The following COPS2 variants were observed in gnomAD, a reference collection of about 807,000 sequenced individuals.
COPS2 encodes COP9 signalosome subunit 2.
A neutral mutation model predicts 66.1 loss-of-function variants in COPS2; 10 were observed. The ratio of observed to expected loss-of-function variants is 0.15; its 90% CI spans 0.09 to 0.26. The LOEUF is 0.26. Among genes scored for constraint, COPS2 ranks in the 10% least tolerant of loss-of-function variants. COPS2 has a pLI of 1.00. For synonymous variants in COPS2, 179 were observed against 171.3 expected (o/e 1.04, Z -0.35); for missense variants, 215 against 513.3 (o/e 0.42, Z 5.62).
chr15:49,126,422 C>T lies in COPS2; in HGVS notation c.*1528G>A, dbSNP rs2084167371. 1 of 152,410 alleles carries T rather than the reference C, an allele frequency of 6.6e-6. No individual in the cohort carries two copies. Among genetic ancestry groups the T allele is most frequent in the Non-Finnish European group, 1.5e-5 (1 of 67,924 alleles). The allele number at this position is 152,410 out of a possible 1,614,324, so 9.4% of individuals were successfully genotyped here. A position where few individuals can be genotyped will look rare whatever the true frequency, so the allele number is the denominator to read the frequency against. On this transcript the variant is annotated 3_prime_UTR_variant, in exon 13 of 13. Coordinates refer to ENST00000388901, the MANE Select transcript of COPS2 (RefSeq NM_004236.4). ...TTGTTTTAAGTCCATGCTCCTTCCACTGTTTATAAAATCTGATTTAATGAT... is the reference window on the plus strand; with the variant it reads ...TTGTTTTAAGTCCATGCTCCTTCCATTGTTTATAAAATCTGATTTAATGAT...
intron 1 of COPS2, among the ~76,000 whole-genome samples, chr15:49,153,064 T>C (rs1057330056): frequency 5.3e-5 from 8 of 152,206 alleles, no homozygotes; most frequent in Non-Finnish European, 1.2e-4. Context: ...CAACAGACTA[T>C]TGCTTAGGAA....
At chr15:49,151,003 G>A (rs2084356924) in intron 1 of COPS2, among the ~76,000 whole-genome samples, 1 of 152,110 alleles carries the variant, frequency 6.6e-6, no homozygotes, top group South Asian at 2.1e-4. Context: ...TTGACTAGGG[G>A]AATATAATGA....
Position 49,124,631 on chromosome 15 carries a change from A to T in COPS2, c.*3319T>A, listed in dbSNP as rs1407914358. 2 of 152,108 alleles carry T rather than the reference A, an allele frequency of 1.3e-5. No homozygotes were observed. Among genetic ancestry groups the T allele is most frequent in the African/African-American group, 4.8e-5 (2 of 41,430 alleles). 9.4% of individuals were successfully genotyped at this position (152,108 alleles called of 1,614,324 possible). A position where few individuals can be genotyped will look rare whatever the true frequency, so the allele number is the denominator to read the frequency against. Reference sequence around the variant, plus strand: ...TTTGATACAAAATAGTTAAATGTCAAATTCCTTTTTTTGTTATATACTTCA... The same window carrying T: ...TTTGATACAAAATAGTTAAATGTCATATTCCTTTTTTTGTTATATACTTCA... On this transcript the variant is annotated 3_prime_UTR_variant, in exon 13 of 13. Coordinates refer to ENST00000388901, the MANE Select transcript of COPS2 (RefSeq NM_004236.4).
At chr15:49,137,673 A>G in intron 4 of COPS2, 1 of 443,710 alleles carries the variant, frequency 2.3e-6, no homozygotes. Context: ...TTCCCCATAT[A>G]AACATAGTGC....
chr15:49,147,584 G>A (rs1391481153), intron 1 of COPS2, among the ~76,000 whole-genome samples: 2 of 151,928 alleles, frequency 1.3e-5, no homozygotes, highest in Non-Finnish European at 2.9e-5. Context: ...TTAAAAACAG[G>A]ATCCTTGACA....
rs928462058 is a variant in COPS2 at position 49,132,061 on chromosome 15, A to G, written c.948-1245T>C. Among the ~76,000 whole-genome samples the G allele has an allele frequency of 4.6e-5, 7 of 152,204 alleles. 1 individual carries two copies. Among genetic ancestry groups the G allele is most frequent in the Non-Finnish European group, 7.4e-5 (5 of 68,016 alleles). ...TTAATGTACTTAGCCAATTTAATTTATACAAAATATCAATGTCTAGGGTAA... is the reference window on the plus strand; with the variant it reads ...TTAATGTACTTAGCCAATTTAATTTGTACAAAATATCAATGTCTAGGGTAA... On this transcript the variant is annotated intron_variant, in intron 9 of 12. Coordinates refer to ENST00000388901, the MANE Select transcript of COPS2 (RefSeq NM_004236.4).
chr15:49,147,725 C>CA (rs34315247), intron 1 of COPS2, among the ~76,000 whole-genome samples: 27,038 of 93,900 alleles, frequency 0.29, 3,055 homozygotes, highest in East Asian at 0.4. Context: ...GTTACAACTC[C>CA]AAAAAAAAAA....
intron 1 of COPS2, among the ~76,000 whole-genome samples, chr15:49,155,220 G>C (rs1054231574): frequency 1.3e-5 from 2 of 152,258 alleles, no homozygotes; most frequent in Admixed American, 6.5e-5. Context: ...GCGGTGGGGA[G>C]GCAGAAGACA....
intron 4 of COPS2, among the ~76,000 whole-genome samples, chr15:49,138,771 T>C (rs375575523): frequency 6.6e-6 from 1 of 152,154 alleles, no homozygotes; most frequent in East Asian, 1.9e-4. Context: ...GAACATTCTT[T>C]GATTACGAGT....
intron 7 of COPS2, 60 bp from the exon 8 acceptor site, chr15:49,134,168 C>T: frequency 6.8e-7 from 1 of 1,465,400 alleles, no homozygotes; most frequent in Non-Finnish European, 9.3e-7. Flanking sequence ...ACAAAACTGA[C>T]CACCTCATAA....
At chr15:49,140,498 C>T (rs543697288) in intron 3 of COPS2, among the ~76,000 whole-genome samples, 1 of 152,046 alleles carries the variant, frequency 6.6e-6, no homozygotes, top group Non-Finnish European at 1.5e-5. Flanking sequence ...CAAGAAAAGA[C>T]CCCCCATCTA....
intron 3 of COPS2, among the ~76,000 whole-genome samples, chr15:49,141,785 G>T (rs1215323665): frequency 1.3e-5 from 2 of 152,032 alleles, no homozygotes; most frequent in East Asian, 3.9e-4. Context: ...GCAAACAAAA[G>T]GTAGATAAGG....
At chr15:49,152,322 AAAT>A (rs926678704) in intron 1 of COPS2, among the ~76,000 whole-genome samples, 2 of 152,068 alleles carry the variant, frequency 1.3e-5, no homozygotes, top group Non-Finnish European at 2.9e-5. Context: ...ACAAATTACT[AAAT>A]AAGTTTTATG....
chr15:49,143,719 G>T (rs1314452125), intron 3 of COPS2, among the ~76,000 whole-genome samples: 1 of 152,198 alleles, frequency 6.6e-6, no homozygotes. Flanking sequence ...GGGTGCGGTG[G>T]CTCACGCCTG....
intron 10 of COPS2, among the ~76,000 whole-genome samples, chr15:49,129,808 C>T (rs1191173905): frequency 6.6e-6 from 1 of 152,056 alleles, no homozygotes; most frequent in East Asian, 1.9e-4. Flanking sequence ...ATTATTTTGC[C>T]TTCTCAATAT....
intron 9 of COPS2, 104 bp from the exon 10 acceptor site, chr15:49,130,920 A>G (rs915536012): frequency 7.4e-6 from 4 of 541,336 alleles, no homozygotes; most frequent in Non-Finnish European, 1.3e-5. Context: ...GCAAAAATCT[A>G]AATAATATTA....
chr15:49,128,680 TA>T, intron 12 of COPS2, 21 bp downstream of exon 12: 3 of 1,531,566 alleles, frequency 2.0e-6, no homozygotes, highest in Non-Finnish European at 1.8e-6. Flanking sequence ...TATTTTGTGA[TA>T]AAAAATAGTA....
chr15:49,127,918 C>A lies in COPS2; in HGVS notation c.*32G>T. 1 of 1,610,716 alleles carries A rather than the reference C, an allele frequency of 6.2e-7. No individual in the cohort carries two copies. Among genetic ancestry groups the A allele is most frequent in the Non-Finnish European group, 8.5e-7 (1 of 1,177,940 alleles). ...TAAGGATTACATCTCTGCACTGTTGCCTTAAGGACGTCTGTAAAAGCTTGT... is the reference window on the plus strand; with the variant it reads ...TAAGGATTACATCTCTGCACTGTTGACTTAAGGACGTCTGTAAAAGCTTGT... On this transcript the variant is annotated 3_prime_UTR_variant, in exon 13 of 13. Transcript: ENST00000388901.
chr15:49,128,722 C>T lies in COPS2; in HGVS notation c.1167G>A (p.Leu389=), dbSNP rs777603107. The change falls in exon 12 of 13, where the codon CTG becomes CTA. Residue 389 remains leucine (L), a synonymous_variant. Coordinates refer to ENST00000388901, the MANE Select transcript of COPS2 (RefSeq NM_004236.4). Reference sequence around the variant, plus strand: ...CTTACTTATCCAATATGCACTGCACCAGCAAGCTCTCCACATCAGCTACAT... The same window carrying T: ...CTTACTTATCCAATATGCACTGCACTAGCAAGCTCTCCACATCAGCTACAT... ...NIDVADVESL[L]VQCILDNTIH... The T allele has an allele frequency of 1.9e-6, 3 of 1,609,096 alleles. No individual in the cohort carries two copies. The African/African-American group carries it at 4.0e-5, about 22-fold the overall frequency.
Sources: gnomAD v4.1 joint callset for allele counts (sites outside exome capture counted in the v4.1 genomes callset) on GRCh38, gnomAD v4.1.1 for gene constraint, MANE v1.5 for transcripts, NCBI Gene and HGNC (gene_info 2026-07-23, HGNC 2026-07-21) for gene names.